Variants in SUPT3H observed in about 807,000 individuals in gnomAD.
SUPT3H encodes SPT3 homolog, SAGA and STAGA complex component.
SUPT3H carries 44 observed loss-of-function variants against 44.3 expected under a neutral mutation model. The ratio of observed to expected loss-of-function variants is 0.99; its 90% CI spans 0.78 to 1.28. The LOEUF is 1.28. Ranked by LOEUF, SUPT3H falls within the 50% of genes most tolerant of loss-of-function variation. The pLI is 0.00. For missense variants in SUPT3H, 380 were observed against 387.1 expected (o/e 0.98, Z 0.15); for synonymous variants, 124 against 125.6 (o/e 0.99, Z 0.09).
intron 10 of SUPT3H, among the ~76,000 whole-genome samples, chr6:44,928,350 G>A (rs965297262): frequency 4.6e-5 from 7 of 152,008 alleles, no homozygotes; most frequent in Non-Finnish European, 7.4e-5. Context: ...CAAACAAGAA[G>A]CAAAAAAGTA....
intron 2 of SUPT3H, among the ~76,000 whole-genome samples, chr6:45,169,663 T>C (rs1017857494): frequency 6.6e-6 from 1 of 152,166 alleles, no homozygotes; most frequent in Non-Finnish European, 1.5e-5. Context: ...CTGGAGAAAT[T>C]TGTGGAAAAG....
At chr6:44,823,684 A>G (rs1767519949), downstream of SUPT3H, among the ~76,000 whole-genome samples, 1 of 152,044 alleles carries the variant, frequency 6.6e-6, no homozygotes, top group African/African-American at 2.4e-5. Flanking sequence ...TTGGCTGGCC[A>G]GGCACGGTGG....
At chr6:45,164,502 G>A (rs933011133) in intron 2 of SUPT3H, among the ~76,000 whole-genome samples, 11 of 152,164 alleles carry the variant, frequency 7.2e-5, no homozygotes, top group African/African-American at 2.7e-4. Context: ...CAGGTAGACA[G>A]GAGAGGTGTT....
chr6:45,167,124 A>G (rs542379883), intron 2 of SUPT3H, among the ~76,000 whole-genome samples: 1 of 152,344 alleles, frequency 6.6e-6, no homozygotes, highest in African/African-American at 2.4e-5. Context: ...ACAATCTTGT[A>G]ATATAAGAGT....
chr6:45,265,124 A>G (rs1366258597), intron 2 of SUPT3H, among the ~76,000 whole-genome samples: 1 of 152,132 alleles, frequency 6.6e-6, no homozygotes, highest in Non-Finnish European at 1.5e-5. Context: ...TTCAGATTAA[A>G]GCAATATTTT....
At chr6:44,925,935 C>G (rs538408648) in intron 10 of SUPT3H, among the ~76,000 whole-genome samples, 7 of 152,098 alleles carry the variant, frequency 4.6e-5, no homozygotes, top group Non-Finnish European at 7.4e-5. Context: ...TGGGACAATT[C>G]ATTTAAACCT....
chr6:45,128,666 A>T (rs965351328), intron 2 of SUPT3H, among the ~76,000 whole-genome samples: 7 of 140,788 alleles, frequency 5.0e-5, no homozygotes, highest in Non-Finnish European at 1.5e-5. Context: ...TATAGAATGA[A>T]AAGTATTTTT....
rs193056194 is a variant in SUPT3H at position 45,069,085 on chromosome 6, A to G, written c.186+36837T>C. Among the ~76,000 whole-genome samples the G allele has an allele frequency of 3.1e-3, 469 of 152,332 alleles. 2 individuals carry two copies. Among genetic ancestry groups the G allele is most frequent in the African/African-American group, 8.3e-3 (346 of 41,588 alleles). On this transcript the variant is annotated intron_variant, in intron 3 of 10. Transcript: ENST00000371459. Reference sequence around the variant, plus strand: ...ATGCTTAGAGCACAATAGAGAATCAATAAGTACTGTATTGAACATGTGAAT... The same window carrying G: ...ATGCTTAGAGCACAATAGAGAATCAGTAAGTACTGTATTGAACATGTGAAT...
intron 2 of SUPT3H, among the ~76,000 whole-genome samples, chr6:45,165,084 T>C (rs928079412): frequency 2.0e-5 from 3 of 151,944 alleles, no homozygotes; most frequent in Non-Finnish European, 4.4e-5. Flanking sequence ...CTGTCCCCAC[T>C]GCAAGGCTCA....
At chr6:45,366,516 T>C (rs1795158371) in intron 1 of SUPT3H, among the ~76,000 whole-genome samples, 2 of 152,192 alleles carry the variant, frequency 1.3e-5, no homozygotes, top group African/African-American at 2.4e-5. Flanking sequence ...AACTCCCTCT[T>C]CCGTTAAAGG....
At chr6:45,199,061 G>A (rs971355124) in intron 2 of SUPT3H, among the ~76,000 whole-genome samples, 3 of 151,228 alleles carry the variant, frequency 2.0e-5, no homozygotes, top group African/African-American at 7.3e-5. Flanking sequence ...TATAAGGGCT[G>A]TTGTCATCTT....
At chr6:44,867,989 AAC>A (rs1775772542) in intron 10 of SUPT3H, among the ~76,000 whole-genome samples, 1 of 146,036 alleles carries the variant, frequency 6.8e-6, no homozygotes, top group African/African-American at 2.5e-5. Flanking sequence ...CTCCCATGCT[AAC>A]ACACTCACAA....
At position 45,312,907 on chromosome 6, in the gene SUPT3H, A is replaced by G. The variant is rs112407333; in HGVS notation, c.101+52294T>C. Among the ~76,000 whole-genome samples the G allele has an allele frequency of 9.0e-3, 1,364 of 152,286 alleles. 13 individuals carry two copies. Among genetic ancestry groups the G allele is most frequent in the South Asian group, 0.025 (119 of 4,820 alleles). ...ATAGGCCATATAAAGAGCCTCAATAAATTTAAGAAAATTGAAATGCTATCA... is the reference window on the plus strand; with the variant it reads ...ATAGGCCATATAAAGAGCCTCAATAGATTTAAGAAAATTGAAATGCTATCA... On this transcript the variant is annotated intron_variant, in intron 2 of 10. Transcript: ENST00000371459.
intron 2 of SUPT3H, among the ~76,000 whole-genome samples, chr6:45,126,204 C>T (rs1486770163): frequency 6.6e-6 from 1 of 152,182 alleles, no homozygotes; most frequent in Non-Finnish European, 1.5e-5. Context: ...TACAGGGTGG[C>T]CCATTTAAAA....
intron 10 of SUPT3H, among the ~76,000 whole-genome samples, chr6:44,866,282 T>C (rs1775496098): frequency 6.6e-6 from 1 of 152,002 alleles, no homozygotes; most frequent in African/African-American, 2.4e-5. Flanking sequence ...ACATGAATTA[T>C]GTTTTATTGT....
intron 2 of SUPT3H, chr6:45,328,827 T>A (rs767685070): frequency 6.3e-7 from 1 of 1,585,054 alleles, no homozygotes; most frequent in Middle Eastern, 1.7e-4. Context: ...TATGAACCTG[T>A]TAAACATAAA....
rs982818989 is a variant in SUPT3H at position 44,854,026 on chromosome 6, T to C, written c.913-24169A>G. Among the ~76,000 whole-genome samples, 9 of 150,982 alleles carry C rather than the reference T, an allele frequency of 6.0e-5. No homozygotes were observed. The East Asian group carries it at 1.7e-3, about 29-fold the overall frequency. On this transcript the variant is annotated intron_variant, in intron 10 of 10. Transcript: ENST00000371459. The stretch of plus-strand genomic sequence containing the variant: ...GGTATATTTTGAACCCCTTCACTTA[T>C]AATAAATATACGCAGAGAGCTCTTG...
At chr6:44,879,656 C>T (rs1471830008) in intron 10 of SUPT3H, among the ~76,000 whole-genome samples, 1 of 149,022 alleles carries the variant, frequency 6.7e-6, no homozygotes, top group Non-Finnish European at 1.5e-5. Context: ...TAGGGGCTGA[C>T]AGACACCTCA....
At chr6:44,830,650 G>A (rs1751338205) in intron 10 of SUPT3H, among the ~76,000 whole-genome samples, 1 of 152,050 alleles carries the variant, frequency 6.6e-6, no homozygotes, top group South Asian at 2.1e-4. Flanking sequence ...GACCCAGAGG[G>A]GAGCAGAACT....
Sources: gnomAD v4.1 joint callset for allele counts (sites outside exome capture counted in the v4.1 genomes callset) on GRCh38, gnomAD v4.1.1 for gene constraint, MANE v1.5 for transcripts, NCBI Gene and HGNC (gene_info 2026-07-23, HGNC 2026-07-21) for gene names.